KLHL1: variants seen among roughly 807,000 people sequenced by gnomAD.
KLHL1 encodes kelch-like protein 1.
In KLHL1, 47 loss-of-function variants were observed where a neutral mutation model predicts 77.7. The observed-to-expected ratio is 0.60, with a 90% CI of 0.48 to 0.77. The LOEUF is 0.77. Ranked by LOEUF, KLHL1 falls within the 30% of genes least tolerant of loss-of-function variation. The pLI is 0.00. For missense variants in KLHL1, 925 were observed against 910.8 expected (o/e 1.02, Z -0.20); for synonymous variants, 360 against 325.2 (o/e 1.11, Z -1.15).
chr13:69,871,353 C>T (rs932092953), intron 5 of KLHL1, among the ~76,000 whole-genome samples: 1 of 152,106 alleles, frequency 6.6e-6, no homozygotes. Context: ...AAGGGGCTGC[C>T]TCCAGACTTT....
At chr13:70,073,301 T>G (rs1029510951) in intron 1 of KLHL1, among the ~76,000 whole-genome samples, 2 of 151,898 alleles carry the variant, frequency 1.3e-5, no homozygotes, top group African/African-American at 2.4e-5. Context: ...AGCAAACTAT[T>G]GCAAGGACAA....
intron 7 of KLHL1, among the ~76,000 whole-genome samples, chr13:69,779,001 T>C (rs1440215276): frequency 2.6e-5 from 4 of 152,032 alleles, no homozygotes; most frequent in African/African-American, 9.7e-5. Context: ...GGTTTCACCC[T>C]GTTAGTCAGG....
intron 1 of KLHL1, among the ~76,000 whole-genome samples, chr13:70,046,073 G>A (rs1418104693): frequency 6.6e-6 from 1 of 152,124 alleles, no homozygotes; most frequent in African/African-American, 2.4e-5. Flanking sequence ...TCTCCTTTGG[G>A]TACCAGGTCA....
chr13:69,810,277 C>T (rs1877813777), intron 6 of KLHL1, among the ~76,000 whole-genome samples: 1 of 152,008 alleles, frequency 6.6e-6, no homozygotes, highest in African/African-American at 2.4e-5. Flanking sequence ...CTAAAATTTA[C>T]ACATGCTTAG....
chr13:69,811,860 G>T (rs1374367199), intron 6 of KLHL1, among the ~76,000 whole-genome samples: 2 of 152,070 alleles, frequency 1.3e-5, no homozygotes, highest in Non-Finnish European at 2.9e-5. Flanking sequence ...CCAGCTCCTG[G>T]ATTCATTGAT....
chr13:70,097,936 T>C (rs1887832517), intron 1 of KLHL1, among the ~76,000 whole-genome samples: 1 of 151,724 alleles, frequency 6.6e-6, no homozygotes, highest in Admixed American at 6.6e-5. Flanking sequence ...TGAAAAATAT[T>C]GTCAGATTAT....
At chr13:70,011,713 A>C (rs564869222) in intron 1 of KLHL1, among the ~76,000 whole-genome samples, 33 of 152,344 alleles carry the variant, frequency 2.2e-4, no homozygotes, top group African/African-American at 7.2e-4. Flanking sequence ...ATTTCTGGTT[A>C]GGAAAATAGA....
chr13:69,792,442 G>A (rs11148828), intron 7 of KLHL1, among the ~76,000 whole-genome samples: 54,958 of 151,930 alleles, frequency 0.36, 10,359 homozygotes, highest in African/African-American at 0.46. Flanking sequence ...ACCCTTATAC[G>A]TTGCTGGTGT....
chr13:69,742,747 C>T (rs1349026274), intron 7 of KLHL1, among the ~76,000 whole-genome samples: 1 of 152,122 alleles, frequency 6.6e-6, no homozygotes, highest in Non-Finnish European at 1.5e-5. Flanking sequence ...TGTTATTTTA[C>T]ACAACTCTAT....
intron 3 of KLHL1, among the ~76,000 whole-genome samples, chr13:69,949,362 T>C (rs1374199091): frequency 6.6e-6 from 1 of 151,800 alleles, no homozygotes; most frequent in Non-Finnish European, 1.5e-5. Flanking sequence ...GAGTACTAAT[T>C]TAATATTTCA....
At position 70,021,642 on chromosome 13, in the gene KLHL1, ATTC is replaced by A. The variant is rs369288070; in HGVS notation, c.498-45843_498-45841del. Among the ~76,000 whole-genome samples, 862 of 152,114 alleles carry A rather than the reference ATTC, an allele frequency of 5.7e-3. 10 individuals are homozygous for A. Among genetic ancestry groups the A allele is most frequent in the African/African-American group, 0.02 (811 of 41,554 alleles). On this transcript the variant is annotated intron_variant, in intron 1 of 10. Transcript: ENST00000377844. ...GTATTCCCATCAGCAATGAATGAGAATTCTTCTTCTTCCACGTCCTTGCCAGCA... is the reference window on the plus strand; with the variant it reads ...GTATTCCCATCAGCAATGAATGAGAATTCTTCTTCCACGTCCTTGCCAGCA...
At chr13:70,083,228 T>C (rs977341339) in intron 1 of KLHL1, among the ~76,000 whole-genome samples, 2 of 152,186 alleles carry the variant, frequency 1.3e-5, no homozygotes, top group African/African-American at 4.8e-5. Flanking sequence ...AAATTACAAA[T>C]TGTCGTCACT....
intron 4 of KLHL1, among the ~76,000 whole-genome samples, chr13:69,920,676 T>G (rs1242743302): frequency 6.7e-6 from 1 of 150,090 alleles, no homozygotes; most frequent in Non-Finnish European, 1.5e-5. Context: ...AGATATACCT[T>G]TTCATACTTA....
chr13:69,877,392 C>CT (rs1428529030), intron 5 of KLHL1, among the ~76,000 whole-genome samples: 1 of 151,874 alleles, frequency 6.6e-6, no homozygotes, highest in African/African-American at 2.4e-5. Context: ...CAACATGGTA[C>CT]TTTGTTGAAT....
chr13:69,876,452 A>C (rs1269466386), intron 5 of KLHL1, among the ~76,000 whole-genome samples: 1 of 152,210 alleles, frequency 6.6e-6, no homozygotes, highest in Non-Finnish European at 1.5e-5. Flanking sequence ...TTACACAGAG[A>C]GACTTAATTC....
intron 1 of KLHL1, among the ~76,000 whole-genome samples, chr13:70,086,590 A>AAAAAAAAAGAAAG (rs1403142406): frequency 1.2e-5 from 1 of 85,750 alleles, no homozygotes; most frequent in African/African-American, 4.8e-5. Context: ...AAAAAAAAAA[A>AAAAAAAAAGAAAG]AAAGAAAGAA....
intron 9 of KLHL1, among the ~76,000 whole-genome samples, chr13:69,718,307 A>C: frequency 6.6e-6 from 1 of 152,154 alleles, no homozygotes; most frequent in East Asian, 1.9e-4. Flanking sequence ...CAAATAAAAG[A>C]GAATTCTATT....
chr13:69,789,640 A>ACTAT (rs1202466285), intron 7 of KLHL1, among the ~76,000 whole-genome samples: 1 of 152,058 alleles, frequency 6.6e-6, no homozygotes, highest in Non-Finnish European at 1.5e-5. Flanking sequence ...CTACTGTCCT[A>ACTAT]CTATCTGATC....
In KLHL1 at chr13:69,939,648, T is replaced by G. The variant is rs117588917; in HGVS notation, c.1014+392A>C. Among the ~76,000 whole-genome samples, 274 of 151,952 alleles carry G rather than the reference T, an allele frequency of 1.8e-3. 6 individuals carry two copies. In the East Asian group the frequency reaches 0.045, roughly 25 times the overall value. On this transcript the variant is annotated intron_variant, in intron 4 of 10. Transcript: ENST00000377844. ...ATCTGTATTGCCTGTTAAGTGTGCATAAAGCCATAAAGAAGCTTCCTGAAT... is the reference window on the plus strand; with the variant it reads ...ATCTGTATTGCCTGTTAAGTGTGCAGAAAGCCATAAAGAAGCTTCCTGAAT...
Sources: allele counts gnomAD v4.1 joint callset (sites outside exome capture counted in the v4.1 genomes callset), GRCh38; gene constraint gnomAD v4.1.1; transcripts MANE v1.5; gene names NCBI Gene and HGNC (gene_info 2026-07-23, HGNC 2026-07-21).